The following SEMA3A variants were observed in gnomAD, a reference collection of about 807,000 sequenced individuals.
SEMA3A encodes semaphorin-3A.
Under a neutral mutation model 97.9 loss-of-function variants are expected in SEMA3A, and 29 were observed. That is an observed-to-expected ratio of 0.30 (90% confidence interval 0.22 to 0.40). The LOEUF (loss-of-function observed/expected upper bound fraction) is 0.40. Ranked by LOEUF, SEMA3A falls within the 10% of genes least tolerant of loss-of-function variation. The pLI, the probability that SEMA3A is intolerant of heterozygous loss-of-function variation, is 1.00. For missense variants in SEMA3A, 763 were observed against 951.3 expected, an observed-to-expected ratio of 0.80 and a Z score of 2.60; for synonymous variants, 321 against 323.7, an observed-to-expected ratio of 0.99 and a Z score of 0.09.
At chr7:83,975,068 T>A (rs1358744784) in intron 15 of SEMA3A, among the ~76,000 whole-genome samples, 1 of 152,188 alleles carries the variant, frequency 6.6e-6, no homozygotes, top group Admixed American at 6.6e-5. Context: ...TTAACTACTC[T>A]AATTTTATCA....
At chr7:84,205,277 T>G (rs1390996331) in intron 3 of SEMA3A, among the ~76,000 whole-genome samples, 1 of 152,220 alleles carries the variant, frequency 6.6e-6, no homozygotes, top group Non-Finnish European at 1.5e-5. Flanking sequence ...CAACAAGTTT[T>G]GTTTCATGCT....
intron 3 of SEMA3A, among the ~76,000 whole-genome samples, chr7:84,226,485 C>A (rs1251942124): frequency 6.6e-6 from 1 of 152,014 alleles, no homozygotes; most frequent in African/African-American, 2.4e-5. Flanking sequence ...AGTGTTCATG[C>A]AGTAAAAATC....
At chr7:84,477,438 C>CA (rs11335984) in intron 1 of SEMA3A, among the ~76,000 whole-genome samples, 1,853 of 41,740 alleles carry the variant, frequency 0.044, 105 homozygotes, top group East Asian at 0.17. Context: ...GACTCTGTCT[C>CA]AAAAAAAAAA....
intron 15 of SEMA3A, among the ~76,000 whole-genome samples, chr7:83,971,617 A>G (rs537267029): frequency 8.5e-5 from 13 of 152,188 alleles, no homozygotes; most frequent in South Asian, 6.2e-4. Flanking sequence ...TAAATATTCA[A>G]TGTGTTTTTG....
chr7:84,169,889 A>G (rs1447276043), intron 1 of SEMA3A, among the ~76,000 whole-genome samples: 4 of 151,898 alleles, frequency 2.6e-5, no homozygotes, highest in Admixed American at 1.3e-4. Context: ...AGCAGAAAGG[A>G]TATTACTCTC....
At chr7:84,071,144 T>G (rs1793724756) in intron 4 of SEMA3A, among the ~76,000 whole-genome samples, 2 of 152,134 alleles carry the variant, frequency 1.3e-5, no homozygotes, top group South Asian at 4.1e-4. Context: ...TAATTTAAAC[T>G]AATCAAAGGG....
intron 1 of SEMA3A, among the ~76,000 whole-genome samples, chr7:84,460,491 T>G (rs181491442): frequency 1.3e-5 from 2 of 152,182 alleles, no homozygotes; most frequent in Non-Finnish European, 2.9e-5. Flanking sequence ...ATGTATCTAT[T>G]TTTCTACCAT....
At chr7:84,272,205 A>G (rs1435050838) in intron 3 of SEMA3A, among the ~76,000 whole-genome samples, 2 of 152,074 alleles carry the variant, frequency 1.3e-5, no homozygotes, top group Admixed American at 6.6e-5. Flanking sequence ...ATTGAAAAAC[A>G]AAGAAAATTT....
At chr7:84,371,875 T>A (rs888010740) in exon 2 of SEMA3A, 5 of 152,050 alleles carry the variant, frequency 3.3e-5, no homozygotes, top group African/African-American at 1.2e-4. Flanking sequence ...TGTTAGACTG[T>A]CCCATGGATG....
rs57547797 is a variant in SEMA3A, at chr7:83,980,618, A to ACAAAAC, written c.1652+702_1652+703insGTTTTG. 7.2e-3 allele frequency among the ~76,000 whole-genome samples: 582 copies of ACAAAAC among 81,326 alleles called. 4 individuals are homozygous for ACAAAAC. Among genetic ancestry groups the ACAAAAC allele is most frequent in the African/African-American group, 0.029 (541 of 18,894 alleles). The allele number at this position is 81,326 out of a possible 152,430, so 53.4% of individuals were successfully genotyped here. On this transcript the variant is annotated intron_variant, in intron 14 of 16. Coordinates refer to ENST00000265362, the MANE Select transcript of SEMA3A (RefSeq NM_006080.3). The stretch of plus-strand genomic sequence containing the variant: ...GACTCCATCTCAAAAAAAAAAAAAA[A>ACAAAAC]AAAAAATATATATATATATATACAC...
intron 2 of SEMA3A, among the ~76,000 whole-genome samples, chr7:84,134,082 C>T (rs956504154): frequency 6.6e-6 from 1 of 151,822 alleles, no homozygotes; most frequent in Admixed American, 6.6e-5. Context: ...ACAACAACAA[C>T]AAAAATATAG....
chr7:84,228,265 C>G (rs1039763985), intron 3 of SEMA3A, among the ~76,000 whole-genome samples: 1 of 151,824 alleles, frequency 6.6e-6, no homozygotes, highest in Non-Finnish European at 1.5e-5. Context: ...TAATCTTAAC[C>G]AAGATTGAAT....
At chr7:84,429,061 C>A (rs1804899858) in intron 1 of SEMA3A, among the ~76,000 whole-genome samples, 1 of 151,954 alleles carries the variant, frequency 6.6e-6, no homozygotes, top group Admixed American at 6.6e-5. Context: ...TGTTCCAACA[C>A]AAAAGGAAGT....
intron 10 of SEMA3A, 80 bp from the exon 11 acceptor site, chr7:84,005,638 C>CTT: frequency 2.0e-6 from 2 of 985,438 alleles, no homozygotes; most frequent in South Asian, 3.3e-5. Flanking sequence ...CACATGGCCT[C>CTT]AATGGTTCTA....
At chr7:84,487,121 T>TA (rs987756242) in intron 1 of SEMA3A, among the ~76,000 whole-genome samples, 3 of 152,162 alleles carry the variant, frequency 2.0e-5, no homozygotes, top group Middle Eastern at 3.4e-3. Flanking sequence ...TACCCATGCT[T>TA]AAAAAAATGG....
chr7:84,140,367 A>T (rs1277858361), intron 1 of SEMA3A, among the ~76,000 whole-genome samples: 3 of 151,970 alleles, frequency 2.0e-5, no homozygotes, highest in Non-Finnish European at 4.4e-5. Context: ...GGGAGGAAGA[A>T]CTCCTGTATA....
At chr7:84,194,932 T>G (rs1798173004), upstream of SEMA3A, 1 of 179,102 alleles carries the variant, frequency 5.6e-6, no homozygotes, top group Admixed American at 6.2e-5. Flanking sequence ...TAAGCTCCTC[T>G]GATAGCCGGT....
chr7:84,489,167 G>A (rs1230140078), intron 1 of SEMA3A: 4 of 152,372 alleles, frequency 2.6e-5, no homozygotes, highest in Non-Finnish European at 5.9e-5. Flanking sequence ...CAGGGTAGCA[G>A]GAGACAGAAT....
intron 3 of SEMA3A, among the ~76,000 whole-genome samples, chr7:84,278,644 A>G (rs1374360195): frequency 6.6e-5 from 10 of 152,124 alleles, no homozygotes; most frequent in Admixed American, 6.6e-4. Context: ...ATCATGGTGG[A>G]GAGCAAAGGA....
Sources: allele counts gnomAD v4.1 joint callset (sites outside exome capture counted in the v4.1 genomes callset), GRCh38; gene constraint gnomAD v4.1.1; transcripts MANE v1.5; gene names NCBI Gene and HGNC (gene_info 2026-07-23, HGNC 2026-07-21).